NAALADL1: variants seen among roughly 807,000 people sequenced by gnomAD.
The protein encoded by NAALADL1 is aminopeptidase NAALADL1.
In NAALADL1, 77 loss-of-function variants were observed where a neutral mutation model predicts 82.8. That is an observed-to-expected ratio of 0.93 (90% CI 0.77 to 1.12). The LOEUF (loss-of-function observed/expected upper bound fraction) is 1.12, where lower values mean the gene tolerates loss of function less well. NAALADL1 is among the 50% of genes most tolerant of loss of function. The pLI is 0.00. For missense variants in NAALADL1, 956 were observed against 964.0 expected (o/e 0.99, Z 0.11); for synonymous variants, 358 against 399.2 (o/e 0.90, Z 1.23).
At chr11:65,059,030 C>G (rs1417650603), upstream of NAALADL1, among the ~76,000 whole-genome samples, 1 of 148,050 alleles carries the variant, frequency 6.8e-6, no homozygotes, top group Non-Finnish European at 1.5e-5. Flanking sequence ...TTTTTTTTTT[C>G]TAGACTGTGT....
Position 65,048,367 on chromosome 11 carries a change from C to A in NAALADL1, c.1217G>T (p.Arg406Ile), listed in dbSNP as rs764908875. 2 of 1,614,206 alleles carry A rather than the reference C, an allele frequency of 1.2e-6. No homozygotes were observed. Among genetic ancestry groups the A allele is most frequent in the Non-Finnish European group, 1.7e-6 (2 of 1,180,044 alleles). ...CCCCCAGCTCGCAAACACGATTGAT[C>A]TGCGAGGACGCCAGGTGCCTGGGAA... ...LLKKGTWRPR[R>I]SIVFASWGAE... The change falls in exon 9 of 18, where the codon AGA (arginine) becomes ATA (isoleucine). Residue 406 changes from arginine (R) to isoleucine (I), a missense_variant. Coordinates refer to ENST00000358658, the MANE Select transcript of NAALADL1 (RefSeq NM_005468.3).
intron 4 of NAALADL1, among the ~76,000 whole-genome samples, chr11:65,056,595 T>C (rs1947045617): frequency 6.6e-6 from 1 of 151,558 alleles, no homozygotes; most frequent in Admixed American, 6.6e-5. Context: ...TTAGTAGAGA[T>C]GGGGTTTCAC....
chr11:65,058,022 G>C (rs1315526877), intron 2 of NAALADL1, 26 bp from the exon 3 acceptor site: 2 of 1,613,864 alleles, frequency 1.2e-6, no homozygotes, highest in East Asian at 2.2e-5. Context: ...CAGTATCATG[G>C]CTGGGCCCAG....
chr11:65,054,200 G>T lies in NAALADL1; in HGVS notation c.992+50C>A. ...ATCATCACAAGGGAAGGGGAGAGGC[G>T]AGTTGGGGGAGAGGGCAACTGAGGG... is the stretch of plus-strand genomic sequence containing the variant. On this transcript the variant is annotated intron_variant, in intron 6 of 17. Coordinates refer to ENST00000358658, the MANE Select transcript of NAALADL1 (RefSeq NM_005468.3). The surrounding 1 kb of genome is among the most constrained non-coding windows in gnomAD (Gnocchi z 4.3). 1.4e-6 allele frequency: 2 copies of T among 1,480,510 alleles called. No homozygotes were observed. The highest frequency in any genetic ancestry group is 2.3e-5 in the South Asian group (2 of 85,350). The allele number at this position is 1,480,510 out of a possible 1,614,324, so 91.7% of individuals were successfully genotyped here.
At chr11:65,057,828 G>T in intron 3 of NAALADL1, 47 bp downstream of exon 3, 1 of 1,608,220 alleles carries the variant, frequency 6.2e-7, no homozygotes, top group Non-Finnish European at 8.5e-7. Flanking sequence ...ACCCTGGGTG[G>T]AACCAAGGGA....
Position 65,058,197 on chromosome 11 carries a change from A to C in NAALADL1, c.239T>G (p.Val80Gly). ...LASSPRDEDLVQLLLQRWKDP... is the reference protein window; with the variant it reads ...LASSPRDEDLGQLLLQRWKDP... ...CTTCCAGCGCTGCAGCAGCAGCTGC[A>C]CCAGGTCCTCATCCCGAGGGCTGGA... The change falls in exon 2 of 18, where the codon GTG becomes GGG. Residue 80 changes from valine (V) to glycine (G), a missense_variant. Val to Gly is a moderately radical substitution (Grantham distance 109). Transcript: ENST00000358658. 1 of 1,613,784 alleles carries C rather than the reference A, an allele frequency of 6.2e-7. No individual in the cohort carries two copies. The highest frequency in any genetic ancestry group is 8.5e-7 in the Non-Finnish European group (1 of 1,179,846).
chr11:65,048,368 T>G lies in NAALADL1; in HGVS notation c.1216A>C (p.Arg406=). 6.2e-7 allele frequency: 1 copy of G among 1,614,166 alleles called. No homozygotes were observed. The highest frequency in any genetic ancestry group is 1.1e-5 in the South Asian group (1 of 91,086). Residue 406 remains arginine (R), a synonymous_variant, in exon 9 of 18, where the codon AGA becomes CGA. Transcript: ENST00000358658. Reference sequence around the variant, plus strand: ...CCCCAGCTCGCAAACACGATTGATCTGCGAGGACGCCAGGTGCCTGGGAAT... The same window carrying G: ...CCCCAGCTCGCAAACACGATTGATCGGCGAGGACGCCAGGTGCCTGGGAAT... ...LLKKGTWRPR[R]SIVFASWGAE... is the part of the protein sequence containing the mutation.
At chr11:65,046,875 G>A (rs146839670) in intron 13 of NAALADL1, among the ~76,000 whole-genome samples, 15 of 152,222 alleles carry the variant, frequency 9.9e-5, no homozygotes, top group African/African-American at 2.9e-4. Flanking sequence ...AAACAGGGAG[G>A]TGCCAGCTGG....
intron 17 of NAALADL1, 175 bp downstream of exon 17, chr11:65,045,647 C>T (rs1211999775): frequency 1.1e-5 from 10 of 871,340 alleles, no homozygotes; most frequent in Admixed American, 8.3e-5. Context: ...CCAGTCCTAG[C>T]TCCCAGAGGG....
chr11:65,057,508 G>C lies in NAALADL1; in HGVS notation c.481-15C>G. 3 of 1,610,512 alleles carry C rather than the reference G, an allele frequency of 1.9e-6. No individual in the cohort carries two copies. The highest frequency in any genetic ancestry group is 1.3e-5 in the African/African-American group (1 of 74,942). On this transcript the variant is annotated splice_polypyrimidine_tract_variant and intron_variant, in intron 3 of 17. Transcript: ENST00000358658. ...ACGAGGAGGCCCTAGTCCCAAGAGG[G>C]GGTGATCCTTAGAGCTGGGCCCAGC...
At chr11:65,057,310 C>A in intron 4 of NAALADL1, 61 bp downstream of exon 4, 1 of 1,531,916 alleles carries the variant, frequency 6.5e-7, no homozygotes, top group South Asian at 1.3e-5. Context: ...CTCACTTCCT[C>A]CAGTCCACTG....
intron 13 of NAALADL1, 41 bp downstream of exon 13, chr11:65,047,434 C>T: frequency 6.6e-7 from 1 of 1,516,460 alleles, no homozygotes; most frequent in Non-Finnish European, 8.9e-7. Context: ...GGGGCGCATG[C>T]AGCAAGGTAC....
Position 65,045,217 on chromosome 11 carries a change from A to G in NAALADL1, c.*54T>C. ...CAAGGAAGACCAGGACATCTCAGGA[A>G]AGCAGGCAGGAGAGGGTTGGAGTAA... On this transcript the variant is annotated 3_prime_UTR_variant, in exon 18 of 18. Coordinates refer to ENST00000358658, the MANE Select transcript of NAALADL1 (RefSeq NM_005468.3). 1 of 1,570,460 alleles carries G rather than the reference A, an allele frequency of 6.4e-7. No homozygotes were observed. The highest frequency in any genetic ancestry group is 8.7e-7 in the Non-Finnish European group (1 of 1,155,048).
Position 65,053,170 on chromosome 11 carries a change from G to T in NAALADL1, c.1198+48C>A. 6.7e-7 allele frequency: 1 copy of T among 1,492,384 alleles called. No homozygotes were observed. Among genetic ancestry groups the T allele is most frequent in the Non-Finnish European group, 8.9e-7 (1 of 1,119,346 alleles). The allele number at this position is 1,492,384 out of a possible 1,614,324, so 92.4% of individuals were successfully genotyped here. ...GGGAGAGGAGGTGGAACAGGAAGGG[G>T]ACCTCCGGGGGCGAAGGTCCCTGGT... is the stretch of plus-strand genomic sequence containing the variant. On this transcript the variant is annotated intron_variant, in intron 8 of 17. Transcript: ENST00000358658. This position sits in a 1 kb window ranked among gnomAD's most constrained non-coding sequence, Gnocchi z 4.3.
At position 65,048,014 on chromosome 11, in the gene NAALADL1, A is replaced by C. The variant is rs775993848; in HGVS notation, c.1383T>G (p.Pro461=). ...TTGCAGAGAAGACGACGCTCTGGAC[A>C]GGGGGCGTCCCCTGCACCCTAAGGG... is the stretch of plus-strand genomic sequence containing the variant. ...NATLRVQGTP[P]VQSVVFSATK... is the part of the protein sequence containing the mutation. The change falls in exon 11 of 18, where the codon CCT becomes CCG. Residue 461 remains proline, a synonymous_variant. Transcript: ENST00000358658. The C allele has an allele frequency of 6.2e-7, 1 of 1,612,574 alleles. No homozygotes were observed. The highest frequency in any genetic ancestry group is 2.2e-5 in the East Asian group (1 of 44,756).
chr11:65,056,871 C>A (rs1344771741), intron 4 of NAALADL1, among the ~76,000 whole-genome samples: 1 of 152,092 alleles, frequency 6.6e-6, no homozygotes, highest in Non-Finnish European at 1.5e-5. Flanking sequence ...GCATGCACCA[C>A]CATGTGTGGC....
At chr11:65,051,020 C>T (rs984594660) in intron 8 of NAALADL1, among the ~76,000 whole-genome samples, 1 of 151,924 alleles carries the variant, frequency 6.6e-6, no homozygotes, top group Non-Finnish European at 1.5e-5. Flanking sequence ...AGAAAGCAAA[C>T]GTGATGAAAC....
At chr11:65,060,797 G>A (rs1447513509), upstream of NAALADL1, among the ~76,000 whole-genome samples, 2 of 152,082 alleles carry the variant, frequency 1.3e-5, no homozygotes, top group African/African-American at 4.8e-5. Context: ...AGAACATTCT[G>A]GATTGTGGGA....
chr11:65,059,985 G>C (rs111318231), upstream of NAALADL1, among the ~76,000 whole-genome samples: 1,219 of 152,264 alleles, frequency 8.0e-3, 21 homozygotes, highest in African/African-American at 0.028. Context: ...GGAGGGGCTG[G>C]GGGGGTCCCT....
Sources: allele counts gnomAD v4.1 joint callset (sites outside exome capture counted in the v4.1 genomes callset), GRCh38; gene constraint gnomAD v4.1.1; non-coding constraint Gnocchi (gnomAD v3.1); transcripts MANE v1.5; gene names NCBI Gene and HGNC (gene_info 2026-07-23, HGNC 2026-07-21).